Variants in DST observed in about 807,000 individuals in gnomAD.
DST encodes dystonin.
In DST, 253 loss-of-function variants were observed where a neutral mutation model predicts 875.2. The observed-to-expected ratio is 0.29, with a 90% CI of 0.26 to 0.32. The LOEUF (loss-of-function observed/expected upper bound fraction) is 0.32, where lower values mean the gene tolerates loss of function less well. DST is among the 10% of genes least tolerant of loss of function. The pLI, the probability that DST is intolerant of heterozygous loss-of-function variation, is 1.00. For synonymous variants in DST, 3,124 were observed against 3,197.1 expected (o/e 0.98, Z 0.77); for missense variants, 8,287 against 9,111.6 (o/e 0.91, Z 3.68).
chr6:56,608,702 C>G lies in DST; in HGVS notation c.5926G>C (p.Gly1976Arg). 2 of 1,612,416 alleles carry G rather than the reference C, an allele frequency of 1.2e-6. No individual in the cohort carries two copies. The highest frequency in any genetic ancestry group is 2.2e-5 in the East Asian group (1 of 44,816). ...NISILRAAHE[G>R]LIDRETMFRL... ...AACATGGTTTCACGGTCTATGAGAC[C>G]TTCATGAGCTGCTCTTAAAATGCTT... The change falls in exon 40 of 104, where the codon GGT becomes CGT. Residue 1976 changes from glycine (G) to arginine (R), a missense_variant. Coordinates refer to ENST00000680361, the MANE Select transcript of DST (RefSeq NM_001374736.1).
chr6:56,593,373 C>T (rs192826359), intron 48 of DST, among the ~76,000 whole-genome samples: 105 of 151,784 alleles, frequency 6.9e-4, no homozygotes, highest in African/African-American at 1.9e-3. Flanking sequence ...AAAAATTAGA[C>T]GGGCGTGGGG....
At chr6:56,728,111 A>G (rs1044902736) in intron 5 of DST, among the ~76,000 whole-genome samples, 1 of 152,196 alleles carries the variant, frequency 6.6e-6, no homozygotes, top group Admixed American at 6.5e-5. Flanking sequence ...CTATAAGTTG[A>G]CCACAAGATA....
intron 4 of DST, among the ~76,000 whole-genome samples, chr6:56,739,606 G>A (rs2099538877): frequency 6.6e-6 from 1 of 152,130 alleles, no homozygotes; most frequent in South Asian, 2.1e-4. Context: ...TAAGTCACAG[G>A]TTGAGATAGG....
At chr6:56,492,871 A>C (rs921014452) in intron 84 of DST, 63 bp downstream of exon 84, 117 of 185,636 alleles carry the variant, frequency 6.3e-4, no homozygotes, top group Non-Finnish European at 9.5e-4. Flanking sequence ...ACTCAGTCTC[A>C]AAAAAAAAAA....
At chr6:56,945,748 C>CAT (rs1458850762) in intron 2 of DST, 1 of 151,660 alleles carries the variant, frequency 6.6e-6, no homozygotes, top group Non-Finnish European at 1.5e-5. Flanking sequence ...TTGGGCAGCA[C>CAT]ATATATGAAA....
intron 50 of DST, among the ~76,000 whole-genome samples, chr6:56,578,317 G>A (rs532921110): frequency 1.3e-5 from 2 of 152,298 alleles, no homozygotes; most frequent in African/African-American, 4.8e-5. Context: ...CAAGGCTGCA[G>A]TGAGACATGA....
Position 56,618,649 on chromosome 6 carries a change from A to T in DST, c.4930-4165T>A, listed in dbSNP as rs765699417. 73 of 1,614,014 alleles carry T rather than the reference A, an allele frequency of 4.5e-5. No individual in the cohort carries two copies. The highest frequency in any genetic ancestry group is 5.6e-5 in the Non-Finnish European group (66 of 1,180,050). ...CAAGTTCTTTAATGTTTGTTTCACA[A>T]AGCTTAGCATTTTCTTGGGCTCTAG... is the stretch of plus-strand genomic sequence containing the variant. On this transcript the variant is annotated intron_variant, in intron 36 of 103. Coordinates refer to ENST00000680361, the MANE Select transcript of DST (RefSeq NM_001374736.1).
chr6:56,778,356 T>C (rs1190843025), intron 4 of DST, among the ~76,000 whole-genome samples: 1 of 151,128 alleles, frequency 6.6e-6, no homozygotes, highest in Admixed American at 6.6e-5. Context: ...CTTTTCTCTT[T>C]TTTTTTTTTT....
At chr6:56,811,967 T>C (rs577142646) in intron 4 of DST, among the ~76,000 whole-genome samples, 1 of 151,556 alleles carries the variant, frequency 6.6e-6, no homozygotes, top group African/African-American at 2.4e-5. Flanking sequence ...CCAGGCGTAG[T>C]GGAGCACACC....
chr6:56,879,187 G>A (rs569049032), intron 3 of DST, among the ~76,000 whole-genome samples: 39 of 152,182 alleles, frequency 2.6e-4, no homozygotes, highest in African/African-American at 7.9e-4. Flanking sequence ...TAATAGTTCC[G>A]GCCAGGCGCG....
In DST at chr6:56,607,050, G is replaced by C. The variant is rs1243608666; in HGVS notation, c.7578C>G (p.Tyr2526Ter). ...CATCCTCACCAGAAGTATTTGAAAT[G>C]TATTTATCATTGTGATATTGTACTT... ...NPQVQYHNDK[Y>*]ISNTSGEDEK... Residue 2526 changes from tyrosine (Y) to a stop codon, truncating the protein, a stop_gained, in exon 40 of 104, where the codon TAC (tyrosine) becomes TAG (stop). Coordinates refer to ENST00000680361, the MANE Select transcript of DST (RefSeq NM_001374736.1). LOFTEE classifies it high-confidence loss of function. 3 of 1,613,278 alleles carry C rather than the reference G, an allele frequency of 1.9e-6. No homozygotes were observed. Among genetic ancestry groups the C allele is most frequent in the Non-Finnish European group, 2.5e-6 (3 of 1,179,566 alleles).
intron 101 of DST, 42 bp from the exon 102 acceptor site, chr6:56,463,198 T>C (rs764021487): frequency 8.3e-7 from 1 of 1,204,268 alleles, no homozygotes; most frequent in Non-Finnish European, 1.2e-6. Context: ...GGATAGCAGA[T>C]AAAAAAAACA....
Position 56,530,111 on chromosome 6 carries a change from A to G in DST, c.17131T>C (p.Ser5711Pro). 1 of 1,603,098 alleles carries G rather than the reference A, an allele frequency of 6.2e-7. No homozygotes were observed. Among genetic ancestry groups the G allele is most frequent in the Non-Finnish European group, 8.5e-7 (1 of 1,175,738 alleles). ...ETRNRQLEGISVVAQQFHETL... is the reference protein window; with the variant it reads ...ETRNRQLEGIPVVAQQFHETL... ...TCATGAAATTGCTGTGCTACCACCG[A>G]GATACCTTCCAACTGACGATTCCTA... Residue 5711 changes from serine to proline, a missense_variant, in exon 65 of 104, where the codon TCG becomes CCG. By Grantham distance (74) the Ser-to-Pro change is moderately conservative (BLOSUM62 -1). This residue lies in a region of DST where 777 missense variants were observed against 764.8 expected (regional missense o/e 1.02). Transcript: ENST00000680361.
intron 4 of DST, among the ~76,000 whole-genome samples, chr6:56,799,213 G>T (rs976854054): frequency 9.2e-5 from 14 of 152,216 alleles, no homozygotes; most frequent in Non-Finnish European, 1.8e-4. Context: ...TCACAGGCTG[G>T]CTCCAGTGGC....
In DST at chr6:56,608,423, A is replaced by G; in HGVS notation, c.6205T>C (p.Tyr2069His). The G allele has an allele frequency of 1.2e-6, 2 of 1,613,770 alleles. No homozygotes were observed. Among genetic ancestry groups the G allele is most frequent in the African/African-American group, 1.3e-5 (1 of 75,050 alleles). Residue 2069 changes from tyrosine (Y) to histidine (H), a missense_variant, in exon 40 of 104, where the codon TAT becomes CAT. By Grantham distance (83) the Tyr-to-His change is moderately conservative. Transcript: ENST00000680361. ...ALLVLEAQRG[Y>H]VGLIWPHSGE... Reference sequence around the variant, plus strand: ...GAATGGGGCCAAATGAGTCCAACATAGCCTCGCTGAGCTTCCAGGACCAGA... The same window carrying G: ...GAATGGGGCCAAATGAGTCCAACATGGCCTCGCTGAGCTTCCAGGACCAGA...
At chr6:56,897,286 A>T (rs1791808452) in intron 3 of DST, among the ~76,000 whole-genome samples, 1 of 138,362 alleles carries the variant, frequency 7.2e-6, no homozygotes. Context: ...TTGGCAAAGA[A>T]TACTAAGTGG....
chr6:56,632,380 T>C (rs996487118), intron 28 of DST, among the ~76,000 whole-genome samples: 1 of 151,968 alleles, frequency 6.6e-6, no homozygotes, highest in Admixed American at 6.6e-5. Context: ...AAAGTAAATA[T>C]TAGGTAAATA....
intron 4 of DST, among the ~76,000 whole-genome samples, chr6:56,789,823 T>A (rs1017254441): frequency 1.2e-4 from 18 of 152,240 alleles, no homozygotes; most frequent in African/African-American, 3.6e-4. Flanking sequence ...TGTATGTACA[T>A]ACGACATTTT....
intron 87 of DST, 123 bp downstream of exon 87, chr6:56,486,981 C>A: frequency 3.5e-6 from 3 of 867,540 alleles, no homozygotes; most frequent in Non-Finnish European, 5.2e-6. Context: ...ATACTTAGGA[C>A]AAGCAGAAGT....
Sources: gnomAD v4.1 joint callset for allele counts (sites outside exome capture counted in the v4.1 genomes callset) on GRCh38, gnomAD v4.1.1 for gene constraint, gnomAD v4.1.1 regional missense constraint, MANE v1.5 for transcripts, NCBI Gene and HGNC (gene_info 2026-07-23, HGNC 2026-07-21) for gene names.